TXNDC5: variants seen among roughly 807,000 people sequenced by gnomAD.
TXNDC5 encodes thioredoxin domain containing 5.
TXNDC5 carries 44 observed loss-of-function variants against 52.6 expected under a neutral mutation model. The ratio of observed to expected loss-of-function variants is 0.84; its 90% CI spans 0.66 to 1.08. The LOEUF is 1.08. Among genes scored for constraint, TXNDC5 ranks in the 50% least tolerant of loss-of-function variants. The pLI is 0.00. For missense variants in TXNDC5, 600 were observed against 565.5 expected, an observed-to-expected ratio of 1.06 and a Z score of -0.62; for synonymous variants, 241 against 234.4, an observed-to-expected ratio of 1.03 and a Z score of -0.26.
chr6:7,892,622 A>T (rs1010214020), intron 4 of TXNDC5, among the ~76,000 whole-genome samples: 2 of 152,202 alleles, frequency 1.3e-5, no homozygotes, highest in Admixed American at 6.5e-5. Flanking sequence ...GGTCTTTCCC[A>T]TGCTGGTCTC....
intron 4 of TXNDC5, among the ~76,000 whole-genome samples, chr6:7,893,962 A>G (rs752173626): frequency 9.2e-5 from 14 of 152,234 alleles, no homozygotes; most frequent in Non-Finnish European, 1.6e-4. Context: ...ATGTGTGAAT[A>G]AAGGGAGACT....
At chr6:7,887,210 G>A (rs1298996218) in intron 7 of TXNDC5, among the ~76,000 whole-genome samples, 3 of 146,120 alleles carry the variant, frequency 2.1e-5, no homozygotes, top group South Asian at 2.1e-4. Flanking sequence ...GGGAGGAGGG[G>A]TTGGTGGCCC....
intron 9 of TXNDC5, among the ~76,000 whole-genome samples, chr6:7,883,627 C>T (rs113551345): frequency 3.9e-5 from 6 of 152,262 alleles, no homozygotes; most frequent in East Asian, 3.9e-4. Flanking sequence ...ACCTCCCTGG[C>T]GATGCCCTGG....
chr6:7,907,367 C>T (rs1037726816), intron 1 of TXNDC5, among the ~76,000 whole-genome samples: 19 of 152,106 alleles, frequency 1.2e-4, no homozygotes, highest in Admixed American at 1.0e-3. Context: ...GGCAGCTGCA[C>T]TCAGAAGGTA....
intron 9 of TXNDC5, 81 bp downstream of exon 9, chr6:7,884,276 TGA>T (rs1759876188): frequency 6.4e-7 from 1 of 1,555,234 alleles, no homozygotes; most frequent in African/African-American, 1.4e-5. Context: ...GAGAGCAGAG[TGA>T]GTTATCGTGG....
chr6:7,895,809 A>G (rs2113346070), intron 3 of TXNDC5, among the ~76,000 whole-genome samples: 1 of 152,108 alleles, frequency 6.6e-6, no homozygotes, highest in South Asian at 2.1e-4. Flanking sequence ...TAGGCAACAG[A>G]GTGAGACCCC....
intron 8 of TXNDC5, 95 bp downstream of exon 8, chr6:7,885,866 C>T (rs1759953692): frequency 1.8e-6 from 2 of 1,099,904 alleles, no homozygotes; most frequent in Non-Finnish European, 2.7e-6. Flanking sequence ...AACATGTGCC[C>T]AACATTGAGT....
intron 3 of TXNDC5, 115 bp from the exon 4 acceptor site, chr6:7,895,317 C>A (rs1760330810): frequency 1.2e-6 from 1 of 859,464 alleles, no homozygotes. Context: ...CACCCAACAA[C>A]CTGGAACCCT....
intron 5 of TXNDC5, among the ~76,000 whole-genome samples, chr6:7,890,518 T>C (rs561248385): frequency 1.3e-5 from 2 of 152,264 alleles, no homozygotes; most frequent in East Asian, 3.9e-4. Flanking sequence ...TCTATGGATA[T>C]AAACCTAAAA....
chr6:7,883,152 C>T lies in TXNDC5; in HGVS notation c.1291G>A (p.Glu431Lys), dbSNP rs530530741. The T allele has an allele frequency of 1.4e-5, 22 of 1,614,160 alleles. No individual in the cohort carries two copies. Among genetic ancestry groups the T allele is most frequent in the East Asian group, 2.2e-5 (1 of 44,884 alleles). ...HRFVLSQAKD[E>K]L ...GACCTCCAACTGTGTTCCTAAAGTT[C>T]GTCTTTCGCTTGGCTCAGGACAAAG... The change falls in exon 10 of 10, where the codon GAA becomes AAA. Residue 431 changes from glutamate to lysine, a missense_variant. Transcript: ENST00000379757.
intron 1 of TXNDC5, among the ~76,000 whole-genome samples, chr6:7,908,839 AAAAT>A (rs1277191183): frequency 6.6e-6 from 1 of 152,198 alleles, no homozygotes; most frequent in Non-Finnish European, 1.5e-5. Flanking sequence ...TCCCATCTCT[AAAAT>A]AAATAAATAA....
intron 7 of TXNDC5, among the ~76,000 whole-genome samples, chr6:7,887,489 A>ACCCT (rs1034432960): frequency 7.3e-5 from 8 of 108,908 alleles, no homozygotes; most frequent in Non-Finnish European, 1.3e-4. Context: ...CTCGCCTCGG[A>ACCCT]CCCTCCCTCC....
At position 7,888,862 on chromosome 6, in the gene TXNDC5, G is replaced by A. The variant is rs1426210165; in HGVS notation, c.820-14C>T. 23 of 1,595,512 alleles carry A rather than the reference G, an allele frequency of 1.4e-5. No individual in the cohort carries two copies. Among genetic ancestry groups the A allele is most frequent in the South Asian group, 2.3e-5 (2 of 88,008 alleles). ...GTACTGATCCACCTGGCCAAGACAC[G>A]GGCACGCGGCTGAGTGAGTCCACTG... On this transcript the variant is annotated splice_polypyrimidine_tract_variant and intron_variant, in intron 6 of 9. Coordinates refer to ENST00000379757, the MANE Select transcript of TXNDC5 (RefSeq NM_030810.5).
At chr6:7,886,965 G>A (rs1226838387) in intron 7 of TXNDC5, among the ~76,000 whole-genome samples, 2 of 152,124 alleles carry the variant, frequency 1.3e-5, no homozygotes, top group Non-Finnish European at 2.9e-5. Context: ...AATAGAAATG[G>A]TGCTGCGATG....
In TXNDC5 at chr6:7,886,921, A is replaced by G. The variant is rs549599919; in HGVS notation, c.964-878T>C. ...AGAAACATGACGCCACACGCACTGA[A>G]AAGACCCACTTCATGGTGGAAAACT... On this transcript the variant is annotated intron_variant, in intron 7 of 9. Transcript: ENST00000379757. 2.2e-4 allele frequency among the ~76,000 whole-genome samples: 34 copies of G among 152,284 alleles called. No individual in the cohort carries two copies. The South Asian group carries it at 4.8e-3, about 21-fold the overall frequency.
chr6:7,887,842 G>A (rs1376176563), intron 7 of TXNDC5, among the ~76,000 whole-genome samples: 2 of 152,018 alleles, frequency 1.3e-5, no homozygotes, highest in Non-Finnish European at 2.9e-5. Flanking sequence ...CAGAAATGCC[G>A]GCTGATTCTC....
intron 4 of TXNDC5, among the ~76,000 whole-genome samples, chr6:7,892,324 A>G (rs554406787): frequency 6.6e-6 from 1 of 152,380 alleles, no homozygotes; most frequent in Non-Finnish European, 1.5e-5. Context: ...TGTAGACCAC[A>G]CTACGGGGAC....
intron 5 of TXNDC5, 50 bp downstream of exon 5, chr6:7,891,571 A>G (rs758258944): frequency 6.7e-7 from 1 of 1,485,308 alleles, no homozygotes; most frequent in Admixed American, 1.8e-5. Flanking sequence ...TCTGCTAATT[A>G]ATCCAGCCCA....
intron 5 of TXNDC5, 67 bp downstream of exon 5, chr6:7,891,553 TG>T: frequency 7.7e-7 from 1 of 1,291,436 alleles, no homozygotes; most frequent in Non-Finnish European, 1.1e-6. Flanking sequence ...GAATGAATAA[TG>T]GGCCACTCTG....
Sources: gnomAD v4.1 joint callset for allele counts (sites outside exome capture counted in the v4.1 genomes callset) on GRCh38, gnomAD v4.1.1 for gene constraint, MANE v1.5 for transcripts, NCBI Gene and HGNC (gene_info 2026-07-23, HGNC 2026-07-21) for gene names.